Variants in AGBL1 observed in about 807,000 individuals in gnomAD.
AGBL1 encodes the protein cytosolic carboxypeptidase 4.
A neutral mutation model predicts 118.9 loss-of-function variants in AGBL1; 130 were observed. The observed-to-expected ratio is 1.09, with a 90% CI of 0.95 to 1.26. AGBL1 has a LOEUF of 1.26. Ranked by LOEUF, AGBL1 falls within the 50% of genes most tolerant of loss-of-function variation. AGBL1 has a pLI of 0.00. For synonymous variants in AGBL1, 555 were observed against 478.9 expected (o/e 1.16, Z -2.08); for missense variants, 1,584 against 1,298.1 (o/e 1.22, Z -3.38).
At chr15:86,817,137 A>C (rs769530711) in intron 22 of AGBL1, among the ~76,000 whole-genome samples, 20 of 151,918 alleles carry the variant, frequency 1.3e-4, no homozygotes, top group Non-Finnish European at 2.2e-4. Flanking sequence ...AAAATACAAA[A>C]AAAATTAGCC....
At chr15:86,181,503 G>A (rs2077552542) in intron 5 of AGBL1, among the ~76,000 whole-genome samples, 1 of 151,996 alleles carries the variant, frequency 6.6e-6, no homozygotes, top group African/African-American at 2.4e-5. Context: ...GCTGTCTGGA[G>A]ATGGGGGTTG....
chr15:86,889,392 C>T (rs1276249737), intron 22 of AGBL1, among the ~76,000 whole-genome samples: 1 of 151,702 alleles, frequency 6.6e-6, no homozygotes, highest in Admixed American at 6.6e-5. Flanking sequence ...TTTTCATTGA[C>T]TGTTATTTTA....
At chr15:86,443,671 T>TAGCTTCC (rs1217120484) in intron 18 of AGBL1, among the ~76,000 whole-genome samples, 3 of 152,200 alleles carry the variant, frequency 2.0e-5, no homozygotes, top group Non-Finnish European at 2.9e-5. Flanking sequence ...TCAACATTTT[T>TAGCTTCC]AGCTTCCATG....
rs1225790077 is a variant in AGBL1 at position 86,908,061 on chromosome 15, A to G, written c.*767A>G. On this transcript the variant is annotated 3_prime_UTR_variant, in exon 23 of 23. Transcript: ENST00000614907. The stretch of plus-strand genomic sequence containing the variant: ...ATCTGACAGATATGGTTCATATGCT[A>G]GATCTGGCAGTTGCTTGTTATGACA... 6.6e-6 allele frequency: 1 copy of G among 152,214 alleles called. No homozygotes were observed. The highest frequency in any genetic ancestry group is 1.5e-5 in the Non-Finnish European group (1 of 68,046). 9.4% of individuals were successfully genotyped at this position (152,214 alleles called of 1,614,324 possible).
At chr15:86,786,890 G>A (rs1015608004) in intron 22 of AGBL1, among the ~76,000 whole-genome samples, 2 of 152,128 alleles carry the variant, frequency 1.3e-5, no homozygotes, top group Admixed American at 6.5e-5. Context: ...TGTTTTGCCA[G>A]TATGGAGAGT....
chr15:86,124,889 C>T (rs936345592), intron 1 of AGBL1, among the ~76,000 whole-genome samples: 1 of 152,172 alleles, frequency 6.6e-6, no homozygotes, highest in East Asian at 1.9e-4. Flanking sequence ...TATAATTACT[C>T]TCAGTAAATG....
intron 1 of AGBL1, among the ~76,000 whole-genome samples, chr15:86,120,900 ATTTT>A (rs201787520): frequency 7.1e-6 from 1 of 141,840 alleles, no homozygotes. Flanking sequence ...GCTTTTATGG[ATTTT>A]TTTTTTTTTT....
Position 86,913,010 on chromosome 15 carries a change from G to C in AGBL1, c.*5716G>C, listed in dbSNP as rs1015546843. On this transcript the variant is annotated 3_prime_UTR_variant, in exon 23 of 23. Coordinates refer to ENST00000614907, the MANE Select transcript of AGBL1 (RefSeq NM_001386094.1). The stretch of plus-strand genomic sequence containing the variant: ...TCATGCTACCAATGCTTGATAAAAA[G>C]TGTTCTTTAGAAAAGAAAAAATAGA... 2 of 152,048 alleles carry C rather than the reference G, an allele frequency of 1.3e-5. No homozygotes were observed. The highest frequency in any genetic ancestry group is 6.6e-5 in the Admixed American group (1 of 15,256). The allele number at this position is 152,048 out of a possible 1,614,324, so 9.4% of individuals were successfully genotyped here.
chr15:86,140,361 A>G (rs1390884622), intron 1 of AGBL1: 1 of 151,726 alleles, frequency 6.6e-6, no homozygotes, highest in Non-Finnish European at 1.5e-5. Context: ...TAAGGCTGGG[A>G]CTGAAGAAAG....
chr15:86,861,025 C>G (rs2079552833), intron 22 of AGBL1, among the ~76,000 whole-genome samples: 1 of 151,970 alleles, frequency 6.6e-6, no homozygotes. Flanking sequence ...AAGTGATGGG[C>G]CTTCTTAAGG....
chr15:86,205,194 G>A (rs1188682059), intron 5 of AGBL1, among the ~76,000 whole-genome samples: 2 of 152,084 alleles, frequency 1.3e-5, no homozygotes, highest in East Asian at 1.9e-4. Flanking sequence ...CATTTAGTTG[G>A]AATCACACAT....
At chr15:86,962,820 A>C (rs62034302) in intron 23 of AGBL1, among the ~76,000 whole-genome samples, 1 of 152,070 alleles carries the variant, frequency 6.6e-6, no homozygotes. Context: ...GAGCTATTGA[A>C]TGAGAATCTT....
At position 86,102,565 on chromosome 15, in the gene AGBL1, C is replaced by A. The variant is rs933293922; in HGVS notation, c.51+22542C>A. ...GGATAACTTTGCTGTGTATAGTATTCTTGCATAATATTCCCGCCCCACCAG... is the reference window on the plus strand; with the variant it reads ...GGATAACTTTGCTGTGTATAGTATTATTGCATAATATTCCCGCCCCACCAG... On this transcript the variant is annotated intron_variant, in intron 1 of 22. Transcript: ENST00000614907. Among the ~76,000 whole-genome samples the A allele has an allele frequency of 2.6e-5, 4 of 152,226 alleles. No individual in the cohort carries two copies. The South Asian group carries it at 8.3e-4, about 32-fold the overall frequency.
At chr15:86,868,953 G>A (rs759093652) in intron 22 of AGBL1, among the ~76,000 whole-genome samples, 2 of 152,186 alleles carry the variant, frequency 1.3e-5, no homozygotes, top group Non-Finnish European at 2.9e-5. Flanking sequence ...GTCCACCTTG[G>A]CTTACAGCTA....
chr15:86,592,351 G>A (rs548139205), intron 21 of AGBL1, among the ~76,000 whole-genome samples: 207 of 152,358 alleles, frequency 1.4e-3, no homozygotes, highest in Non-Finnish European at 2.3e-3. Flanking sequence ...ACCAAGGCAA[G>A]TTTTAGAGCA....
intron 1 of AGBL1, among the ~76,000 whole-genome samples, chr15:86,095,167 G>A (rs891718469): frequency 3.9e-5 from 6 of 152,162 alleles, no homozygotes; most frequent in African/African-American, 1.4e-4. Flanking sequence ...GGAAGTTAGG[G>A]TGCACCACCC....
rs145890046 is a variant in AGBL1, at chr15:86,767,861, C to T, written c.3158+93425C>T. 4.2e-3 allele frequency among the ~76,000 whole-genome samples: 640 copies of T among 152,066 alleles called. 3 individuals are homozygous for T. The highest frequency in any genetic ancestry group is 0.014 in the African/African-American group (600 of 41,524). On this transcript the variant is annotated intron_variant, in intron 22 of 22. Transcript: ENST00000614907. Reference sequence around the variant, plus strand: ...CTCTGATAATACAAGACATCACAATCGAGAAGTCAAACAATCTTATGTTCT... The same window carrying T: ...CTCTGATAATACAAGACATCACAATTGAGAAGTCAAACAATCTTATGTTCT...
Position 86,142,012 on chromosome 15 carries a change from T to C in AGBL1, c.60T>C (p.Ser20=). The change falls in exon 2 of 23, where the codon TCT becomes TCC. Residue 20 remains serine (S), a synonymous_variant. Transcript: ENST00000614907. ...CTGTGTTCTCATTGCAGAGCTCCTCTGACAAGGAGTCCATCCTGACCATCC... is the reference window on the plus strand; with the variant it reads ...CTGTGTTCTCATTGCAGAGCTCCTCCGACAAGGAGTCCATCCTGACCATCC... ...QVLLHTLQSS[S]DKESILTILK... 1.3e-6 allele frequency: 2 copies of C among 1,550,094 alleles called. No homozygotes were observed. Among genetic ancestry groups the C allele is most frequent in the Non-Finnish European group, 1.7e-6 (2 of 1,146,730 alleles).
intron 17 of AGBL1, among the ~76,000 whole-genome samples, chr15:86,299,213 G>A (rs914857741): frequency 5.3e-5 from 8 of 152,234 alleles, no homozygotes; most frequent in African/African-American, 1.4e-4. Flanking sequence ...ACTGTGGCAG[G>A]TCTTCAAGAG....
Sources: gnomAD v4.1 joint callset for allele counts (sites outside exome capture counted in the v4.1 genomes callset) on GRCh38, gnomAD v4.1.1 for gene constraint, MANE v1.5 for transcripts, NCBI Gene and HGNC (gene_info 2026-07-23, HGNC 2026-07-21) for gene names.